The following SLC9A9 variants were observed in gnomAD, a reference collection of about 807,000 sequenced individuals.
SLC9A9 encodes the protein sodium/hydrogen exchanger 9.
Under a neutral mutation model 77.8 loss-of-function variants are expected in SLC9A9, and 62 were observed. That is an observed-to-expected ratio of 0.80 (90% confidence interval 0.65 to 0.98). The LOEUF (loss-of-function observed/expected upper bound fraction) is 0.98, where lower values mean the gene tolerates loss of function less well. SLC9A9 is among the 50% of genes least tolerant of loss of function. The pLI, the probability that SLC9A9 is intolerant of heterozygous loss-of-function variation, is 0.00. For missense variants in SLC9A9, 775 were observed against 774.9 expected (o/e 1.00, Z 0.00); for synonymous variants, 320 against 283.5 (o/e 1.13, Z -1.29).
chr3:143,705,430 T>A (rs1933944483), intron 4 of SLC9A9, among the ~76,000 whole-genome samples: 1 of 152,108 alleles, frequency 6.6e-6, no homozygotes, highest in South Asian at 2.1e-4. Flanking sequence ...TGATTATACA[T>A]TTTTAAATAA....
intron 14 of SLC9A9, among the ~76,000 whole-genome samples, chr3:143,316,346 C>T (rs2031213059): frequency 2.6e-5 from 4 of 152,246 alleles, no homozygotes; most frequent in African/African-American, 7.2e-5. Context: ...CAAACTTGCT[C>T]CTATTTTGGG....
chr3:143,382,188 C>G, intron 12 of SLC9A9, 74 bp from the exon 13 acceptor site: 1 of 1,457,178 alleles, frequency 6.9e-7, no homozygotes, highest in Non-Finnish European at 9.6e-7. Context: ...GTCAGATGAC[C>G]TAACCCAAAC....
chr3:143,490,662 A>G (rs2035727288), intron 11 of SLC9A9, among the ~76,000 whole-genome samples: 1 of 152,162 alleles, frequency 6.6e-6, no homozygotes, highest in Non-Finnish European at 1.5e-5. Context: ...ATGATGGGAA[A>G]TTTTATGTTA....
chr3:143,357,137 A>G (rs1412363998), intron 14 of SLC9A9, among the ~76,000 whole-genome samples: 2 of 152,122 alleles, frequency 1.3e-5, no homozygotes, highest in Non-Finnish European at 2.9e-5. Context: ...GTTTACTTCA[A>G]ATATTTTGAA....
chr3:143,811,455 TG>T (rs1254426123), intron 2 of SLC9A9, among the ~76,000 whole-genome samples: 2 of 152,216 alleles, frequency 1.3e-5, no homozygotes, highest in African/African-American at 4.8e-5. Context: ...ATTCGTACTA[TG>T]GGCATGAAAA....
At chr3:143,334,335 A>AT (rs1444869178) in intron 14 of SLC9A9, among the ~76,000 whole-genome samples, 2 of 152,238 alleles carry the variant, frequency 1.3e-5, no homozygotes, top group African/African-American at 2.4e-5. Flanking sequence ...TGGTCATTAG[A>AT]TTTCAAGAAA....
intron 2 of SLC9A9, among the ~76,000 whole-genome samples, chr3:143,829,347 G>T (rs962094550): frequency 6.6e-6 from 1 of 152,062 alleles, no homozygotes; most frequent in African/African-American, 2.4e-5. Flanking sequence ...TTGATCCAAA[G>T]CATCCAGGTT....
intron 12 of SLC9A9, among the ~76,000 whole-genome samples, chr3:143,425,734 T>G (rs1272801974): frequency 6.6e-6 from 1 of 152,196 alleles, no homozygotes; most frequent in Non-Finnish European, 1.5e-5. Flanking sequence ...TTAGCTTCGG[T>G]TGACATGAGA....
intron 4 of SLC9A9, among the ~76,000 whole-genome samples, chr3:143,773,351 G>A (rs2007588675): frequency 6.6e-6 from 1 of 152,044 alleles, no homozygotes; most frequent in Admixed American, 6.6e-5. Context: ...TACAATACAT[G>A]TACACAACCT....
At chr3:143,479,577 A>G (rs145681545) in intron 11 of SLC9A9, among the ~76,000 whole-genome samples, 1 of 152,300 alleles carries the variant, frequency 6.6e-6, no homozygotes, top group Non-Finnish European at 1.5e-5. Context: ...TGTTTCATGT[A>G]TTGATGCCAG....
chr3:143,388,356 G>A (rs147850077), intron 12 of SLC9A9, among the ~76,000 whole-genome samples: 86 of 152,290 alleles, frequency 5.6e-4, no homozygotes, highest in Non-Finnish European at 9.9e-4. Context: ...AGTTCATTTT[G>A]TTATTTAAGT....
chr3:143,589,336 C>T lies in SLC9A9; in HGVS notation c.756-10613G>A, dbSNP rs1239247268. 2.6e-5 allele frequency among the ~76,000 whole-genome samples: 4 copies of T among 152,054 alleles called. No homozygotes were observed. The East Asian group carries it at 7.7e-4, about 29-fold the overall frequency. On this transcript the variant is annotated intron_variant, in intron 6 of 15. Transcript: ENST00000316549. The stretch of plus-strand genomic sequence containing the variant: ...AAAATTTCACCTCATTTAATCCTTC[C>T]AATTATCTAACAAAAAAAGTACAAC...
chr3:143,520,912 A>AT (rs1024603150), intron 9 of SLC9A9, among the ~76,000 whole-genome samples: 72 of 152,258 alleles, frequency 4.7e-4, no homozygotes, highest in African/African-American at 1.4e-3. Context: ...TATTTTGCTG[A>AT]TTTTTAAATT....
chr3:143,455,023 G>A (rs2035065287), intron 12 of SLC9A9, among the ~76,000 whole-genome samples: 1 of 152,130 alleles, frequency 6.6e-6, no homozygotes, highest in Non-Finnish European at 1.5e-5. Flanking sequence ...AGTCTACTGT[G>A]TCATATTAAG....
chr3:143,655,655 T>G (rs1379390822), intron 5 of SLC9A9: 1 of 980,128 alleles, frequency 1.0e-6, no homozygotes. Context: ...TATGATCTTA[T>G]GCTCAAGGAG....
At chr3:143,426,279 G>T (rs1017414764) in intron 12 of SLC9A9, among the ~76,000 whole-genome samples, 10 of 152,184 alleles carry the variant, frequency 6.6e-5, no homozygotes, top group Admixed American at 2.6e-4. Context: ...TATTGGCACA[G>T]GTTGTAGCAG....
At chr3:143,308,445 G>A (rs529957938) in intron 14 of SLC9A9, among the ~76,000 whole-genome samples, 95 of 152,014 alleles carry the variant, frequency 6.2e-4, no homozygotes, top group African/African-American at 2.2e-3. Flanking sequence ...GCATGGTGGC[G>A]GGCACCTGTA....
At chr3:143,624,093 T>C (rs1313642653) in intron 6 of SLC9A9, among the ~76,000 whole-genome samples, 5 of 152,120 alleles carry the variant, frequency 3.3e-5, no homozygotes, top group Non-Finnish European at 7.4e-5. Context: ...AATAGACCAA[T>C]AACAGGCTCT....
At chr3:143,767,372 G>A (rs546309424) in intron 4 of SLC9A9, among the ~76,000 whole-genome samples, 4 of 134,062 alleles carry the variant, frequency 3.0e-5, no homozygotes, top group Non-Finnish European at 4.8e-5. Flanking sequence ...GTAAGTGTCT[G>A]TGTATGTGTG....
Sources: allele counts gnomAD v4.1 joint callset (sites outside exome capture counted in the v4.1 genomes callset), GRCh38; gene constraint gnomAD v4.1.1; transcripts MANE v1.5; gene names NCBI Gene and HGNC (gene_info 2026-07-23, HGNC 2026-07-21).